The following GPC5 variants were observed in gnomAD, a reference collection of about 807,000 sequenced individuals.
The protein encoded by GPC5 is glypican-5.
GPC5 carries 47 observed loss-of-function variants against 53.9 expected under a neutral mutation model. The ratio of observed to expected loss-of-function variants is 0.87; its 90% CI spans 0.69 to 1.11. The LOEUF (loss-of-function observed/expected upper bound fraction) is 1.11. GPC5 is among the 50% of genes most tolerant of loss of function. The probability of loss-of-function intolerance (pLI) is 0.00; values close to 1 mark genes in which losing one functional copy is unlikely to be tolerated. For synonymous variants in GPC5, 286 were observed against 263.3 expected, an observed-to-expected ratio of 1.09 and a Z score of -0.84; for missense variants, 748 against 713.1, an observed-to-expected ratio of 1.05 and a Z score of -0.56.
At chr13:91,510,078 T>A (rs533509981) in intron 2 of GPC5, among the ~76,000 whole-genome samples, 1 of 152,286 alleles carries the variant, frequency 6.6e-6, no homozygotes, top group South Asian at 2.1e-4. Flanking sequence ...TTTTGTTTCA[T>A]TTTTGTTTTA....
At chr13:92,615,568 G>A (rs1884654172) in intron 7 of GPC5, among the ~76,000 whole-genome samples, 2 of 151,986 alleles carry the variant, frequency 1.3e-5, no homozygotes, top group South Asian at 2.1e-4. Flanking sequence ...TTCCTGAACC[G>A]GCTTTTAAAA....
intron 7 of GPC5, among the ~76,000 whole-genome samples, chr13:92,524,905 G>T (rs1481484021): frequency 6.6e-6 from 1 of 152,100 alleles, no homozygotes; most frequent in African/African-American, 2.4e-5. Context: ...GCGTAGGGAT[G>T]AATAACATTG....
chr13:92,473,346 T>C (rs1228093934), intron 7 of GPC5, among the ~76,000 whole-genome samples: 6 of 152,132 alleles, frequency 3.9e-5, no homozygotes, highest in Non-Finnish European at 5.9e-5. Flanking sequence ...ACTGTTTCTC[T>C]TCAGCTCCAG....
chr13:92,192,403 TATTA>T (rs902115560), intron 7 of GPC5, among the ~76,000 whole-genome samples: 3 of 152,306 alleles, frequency 2.0e-5, no homozygotes, highest in African/African-American at 4.8e-5. Context: ...TCTAAAAGTT[TATTA>T]ATTAATATAT....
At chr13:92,855,976 T>C (rs1471187004) in intron 7 of GPC5, among the ~76,000 whole-genome samples, 1 of 151,900 alleles carries the variant, frequency 6.6e-6, no homozygotes, top group Admixed American at 6.6e-5. Context: ...TCCAAAAAAG[T>C]AAGGAAGAAT....
At chr13:91,940,187 T>C (rs1263965901) in intron 6 of GPC5, among the ~76,000 whole-genome samples, 1 of 152,134 alleles carries the variant, frequency 6.6e-6, no homozygotes, top group Non-Finnish European at 1.5e-5. Context: ...ATTGTTTCCA[T>C]CTTTATGTCT....
chr13:92,256,153 A>G (rs1356119949), intron 7 of GPC5, among the ~76,000 whole-genome samples: 6 of 151,630 alleles, frequency 4.0e-5, no homozygotes, highest in Admixed American at 3.9e-4. Flanking sequence ...GAGATATAAT[A>G]TAGATATAAT....
intron 7 of GPC5, among the ~76,000 whole-genome samples, chr13:92,783,318 T>G (rs982101786): frequency 6.6e-6 from 1 of 152,154 alleles, no homozygotes; most frequent in Non-Finnish European, 1.5e-5. Context: ...GACTGCTGAG[T>G]GCATTGAGAG....
rs566402171 is a variant in GPC5, at chr13:91,987,174, C to A, written c.1401+79117C>A. On this transcript the variant is annotated intron_variant, in intron 6 of 7. Transcript: ENST00000377067. ...TAGAATTTAAATAAGATATTACCCCCAGTCAATAAAATTCTACTGAAAAAT... is the reference window on the plus strand; with the variant it reads ...TAGAATTTAAATAAGATATTACCCCAAGTCAATAAAATTCTACTGAAAAAT... 3.1e-3 allele frequency among the ~76,000 whole-genome samples: 472 copies of A among 152,298 alleles called. 3 individuals carry two copies. The highest frequency in any genetic ancestry group is 0.011 in the African/African-American group (453 of 41,568).
At chr13:92,080,422 C>G (rs1487628999) in intron 6 of GPC5, among the ~76,000 whole-genome samples, 1 of 152,168 alleles carries the variant, frequency 6.6e-6, no homozygotes, top group East Asian at 1.9e-4. Context: ...TTCTCACACT[C>G]GAACTACCAC....
intron 5 of GPC5, among the ~76,000 whole-genome samples, chr13:91,784,483 G>A (rs758920353): frequency 5.3e-5 from 8 of 152,068 alleles, no homozygotes; most frequent in Non-Finnish European, 1.5e-5. Context: ...CCAGCACTTC[G>A]GGAGGCCAAG....
intron 6 of GPC5, among the ~76,000 whole-genome samples, chr13:92,073,595 G>A (rs2041230109): frequency 2.0e-5 from 3 of 152,150 alleles, no homozygotes; most frequent in Non-Finnish European, 2.9e-5. Flanking sequence ...ACTTTCCTAC[G>A]TGAATCTTCC....
intron 7 of GPC5, among the ~76,000 whole-genome samples, chr13:92,565,402 T>A (rs1009545430): frequency 6.6e-6 from 1 of 152,018 alleles, no homozygotes; most frequent in Non-Finnish European, 1.5e-5. Context: ...GTGATTAAGA[T>A]CTCCGTCCAG....
At chr13:91,595,725 C>G (rs2032970371) in intron 2 of GPC5, among the ~76,000 whole-genome samples, 1 of 152,218 alleles carries the variant, frequency 6.6e-6, no homozygotes, top group Non-Finnish European at 1.5e-5. Context: ...CCTTGTACAA[C>G]TCATTTTTCA....
At chr13:91,548,881 A>G (rs1008633427) in intron 2 of GPC5, among the ~76,000 whole-genome samples, 1 of 152,180 alleles carries the variant, frequency 6.6e-6, no homozygotes, top group Non-Finnish European at 1.5e-5. Flanking sequence ...TGGTACTAGA[A>G]CAACTGGACA....
At chr13:92,634,150 A>G (rs1219768739) in intron 7 of GPC5, among the ~76,000 whole-genome samples, 1 of 152,024 alleles carries the variant, frequency 6.6e-6, no homozygotes, top group African/African-American at 2.4e-5. Context: ...TCAATTTGCT[A>G]ATATTTTATT....
chr13:92,551,205 T>C (rs899633007), intron 7 of GPC5, among the ~76,000 whole-genome samples: 8 of 147,108 alleles, frequency 5.4e-5, no homozygotes, highest in Admixed American at 1.4e-4. Context: ...TGCAGGCCAA[T>C]GTGTGATAGT....
At chr13:92,578,398 T>A (rs1422443920) in intron 7 of GPC5, among the ~76,000 whole-genome samples, 1 of 152,046 alleles carries the variant, frequency 6.6e-6, no homozygotes, top group Non-Finnish European at 1.5e-5. Context: ...ATAGATTAGA[T>A]AAATTGGTAT....
chr13:92,297,778 C>G (rs1484119819), intron 7 of GPC5, among the ~76,000 whole-genome samples: 4 of 152,184 alleles, frequency 2.6e-5, no homozygotes, highest in South Asian at 4.2e-4. Flanking sequence ...CCAGCATTGG[C>G]AACCCGCTCG....
Sources: gnomAD v4.1 joint callset for allele counts (sites outside exome capture counted in the v4.1 genomes callset) on GRCh38, gnomAD v4.1.1 for gene constraint, MANE v1.5 for transcripts, NCBI Gene and HGNC (gene_info 2026-07-23, HGNC 2026-07-21) for gene names.